TEX11: variants seen among roughly 807,000 people sequenced by gnomAD.
The protein encoded by TEX11 is testis expressed 11, also known as testis-expressed protein 11.
In TEX11, 7 loss-of-function variants were observed where a neutral mutation model predicts 84.4. The ratio of observed to expected loss-of-function variants is 0.08; its 90% CI spans 0.05 to 0.16. The LOEUF (loss-of-function observed/expected upper bound fraction) is 0.16. Ranked by LOEUF, TEX11 falls within the 10% of genes least tolerant of loss-of-function variation. TEX11 has a pLI of 1.00. For missense variants in TEX11, 551 were observed against 660.5 expected (o/e 0.83, Z 1.82); for synonymous variants, 264 against 222.8 (o/e 1.18, Z -1.64).
In TEX11 at chrX:70,553,389, G is replaced by A; in HGVS notation, c.2316C>T (p.His772=). 1 of 1,206,060 alleles carries A rather than the reference G, an allele frequency of 8.3e-7. No individual in the cohort carries two copies. Among genetic ancestry groups the A allele is most frequent in the Non-Finnish European group, 1.1e-6 (1 of 892,068 alleles). The change falls in exon 27 of 30, where the codon CAC becomes CAT. Residue 772 remains histidine, a synonymous_variant. Coordinates refer to ENST00000374333, the MANE Select transcript of TEX11 (RefSeq NM_031276.3). ...AGGCCTTGAGAGCAATCAAAGGATA[G>A]TGTGCAGGCTTTTCCATTGCTATTA... ...IAIIAMEKPA[H]YPLIALKALK...
intron 8 of TEX11, among the ~76,000 whole-genome samples, chrX:70,829,414 G>A (rs755742078): frequency 7.5e-5 from 8 of 107,040 alleles, no homozygotes; most frequent in African/African-American, 1.4e-4. Context: ...CCCAGGAGGC[G>A]GATGTTGCAG....
intron 9 of TEX11, among the ~76,000 whole-genome samples, chrX:70,775,300 A>G (rs2090994486): frequency 9.0e-6 from 1 of 111,543 alleles, no homozygotes; most frequent in African/African-American, 3.3e-5. Context: ...TATGGCTACA[A>G]CCTCAAAAAG....
intron 15 of TEX11, among the ~76,000 whole-genome samples, chrX:70,670,759 A>G (rs1286123382): frequency 8.9e-6 from 1 of 111,890 alleles, no homozygotes; most frequent in African/African-American, 3.2e-5. Context: ...TAGGATGAAG[A>G]GTCTAAGAGT....
Position 70,710,822 on chromosome X carries a change from T to C in TEX11, c.1004+11796A>G, listed in dbSNP as rs929122407. Among the ~76,000 whole-genome samples, 21 of 111,334 alleles carry C rather than the reference T, an allele frequency of 1.9e-4. No individual in the cohort carries two copies. The Admixed American group carries it at 2.0e-3, about 11-fold the overall frequency. ...TTTTTTTATACTTTAAGTTTTAGGG[T>C]ACATGTGCACATTGTGCAGGTTTGT... On this transcript the variant is annotated intron_variant, in intron 13 of 29. Coordinates refer to ENST00000374333, the MANE Select transcript of TEX11 (RefSeq NM_031276.3).
chrX:70,832,419 T>C (rs2091381986), intron 8 of TEX11, among the ~76,000 whole-genome samples: 1 of 112,422 alleles, frequency 8.9e-6, no homozygotes, highest in Non-Finnish European at 1.9e-5. Context: ...TTCTTTGTAC[T>C]ATTCTTATAA....
chrX:70,554,955 TTTTA>T (rs1167803821), intron 25 of TEX11, among the ~76,000 whole-genome samples, 155 bp from the exon 26 acceptor site: 4 of 112,324 alleles, frequency 3.6e-5, no homozygotes, highest in African/African-American at 1.3e-4. Flanking sequence ...AGATTCTAAA[TTTTA>T]TTTTTGTTTT....
chrX:70,859,187 T>C (rs2091554735), intron 5 of TEX11, among the ~76,000 whole-genome samples: 1 of 110,556 alleles, frequency 9.0e-6, no homozygotes, highest in African/African-American at 3.3e-5. Context: ...TCTTACCTTT[T>C]TTATATATGT....
At chrX:70,611,953 C>T (rs761409744) in intron 20 of TEX11, among the ~76,000 whole-genome samples, 4 of 110,996 alleles carry the variant, frequency 3.6e-5, no homozygotes, top group Admixed American at 9.6e-5. Context: ...CTGGGCAACA[C>T]AGTGAGACCA....
chrX:70,751,896 A>G (rs1173658665), intron 9 of TEX11, among the ~76,000 whole-genome samples: 1 of 112,559 alleles, frequency 8.9e-6, no homozygotes, highest in Non-Finnish European at 1.9e-5. Context: ...GTATGATTAT[A>G]TATGTCTTCT....
At chrX:70,757,140 TTGACTGG>T (rs1239462791) in intron 9 of TEX11, among the ~76,000 whole-genome samples, 1 of 111,980 alleles carries the variant, frequency 8.9e-6, no homozygotes, top group African/African-American at 3.2e-5. Flanking sequence ...AAATCTACGT[TTGACTGG>T]TGTTCCTGAA....
chrX:70,870,298 G>A (rs753766448), intron 4 of TEX11, among the ~76,000 whole-genome samples: 85 of 111,340 alleles, frequency 7.6e-4, no homozygotes, highest in Non-Finnish European at 1.2e-3. Context: ...CCTATACGGA[G>A]AATGCACTCA....
At chrX:70,521,848 T>C in the TEX11 span, among the ~76,000 whole-genome samples, 1 of 111,054 alleles carries the variant, frequency 9.0e-6, no homozygotes, top group East Asian at 2.8e-4. Context: ...ACAGGTCTGA[T>C]ACATATGACT....
intron 25 of TEX11, among the ~76,000 whole-genome samples, chrX:70,568,206 G>T (rs1196147314): frequency 1.8e-5 from 2 of 111,237 alleles, no homozygotes; most frequent in East Asian, 2.8e-4. Flanking sequence ...AAGTCTGTTT[G>T]ATCAGAGAAT....
intron 24 of TEX11, among the ~76,000 whole-genome samples, chrX:70,600,148 T>C (rs760322016): frequency 2.4e-4 from 27 of 111,470 alleles, no homozygotes; most frequent in African/African-American, 6.5e-4. Context: ...AGTGTAAAAG[T>C]GTTCCTATTT....
chrX:70,852,606 A>G (rs1311197687), intron 7 of TEX11, among the ~76,000 whole-genome samples: 2 of 112,636 alleles, frequency 1.8e-5, no homozygotes, highest in African/African-American at 6.4e-5. Context: ...ACAGAGGTAA[A>G]GTATAACTTT....
chrX:70,802,500 C>CAA (rs1190453662), intron 9 of TEX11, among the ~76,000 whole-genome samples: 1 of 111,094 alleles, frequency 9.0e-6, no homozygotes, highest in East Asian at 2.8e-4. Flanking sequence ...TAAATACATA[C>CAA]AATTTTAATT....
intron 28 of TEX11, among the ~76,000 whole-genome samples, 196 bp downstream of exon 28, chrX:70,551,930 G>A (rs2088219942): frequency 8.9e-6 from 1 of 111,819 alleles, no homozygotes; most frequent in Non-Finnish European, 1.9e-5. Context: ...TAATACACTT[G>A]TGTTAGAAAA....
intron 25 of TEX11, among the ~76,000 whole-genome samples, chrX:70,590,883 G>A (rs1269901215): frequency 9.0e-6 from 1 of 111,270 alleles, no homozygotes; most frequent in Non-Finnish European, 1.9e-5. Flanking sequence ...CTGAGTAGCT[G>A]GGATTACAGG....
At chrX:70,710,937 A>C (rs1302649776) in intron 13 of TEX11, among the ~76,000 whole-genome samples, 10 of 95,963 alleles carry the variant, frequency 1.0e-4, no homozygotes, top group South Asian at 5.0e-4. Flanking sequence ...ATCCCTCCCC[A>C]CTCCCCCCAC....
Sources: gnomAD v4.1 joint callset for allele counts (sites outside exome capture counted in the v4.1 genomes callset) on GRCh38, gnomAD v4.1.1 for gene constraint, MANE v1.5 for transcripts, NCBI Gene and HGNC (gene_info 2026-07-23, HGNC 2026-07-21) for gene names.